SDK1: variants seen among roughly 807,000 people sequenced by gnomAD.
SDK1 encodes the protein sidekick cell adhesion molecule 1.
SDK1 carries 157 observed loss-of-function variants against 245.5 expected under a neutral mutation model. That is an observed-to-expected ratio of 0.64 (90% confidence interval 0.56 to 0.73). The LOEUF (loss-of-function observed/expected upper bound fraction) is 0.73. Among genes scored for constraint, SDK1 ranks in the 30% least tolerant of loss-of-function variants. SDK1 has a pLI of 0.00. For missense variants in SDK1, 3,583 were observed against 3,002.3 expected, an observed-to-expected ratio of 1.19 and a Z score of -4.52; for synonymous variants, 1,647 against 1,278.5, an observed-to-expected ratio of 1.29 and a Z score of -6.15.
At chr7:3,606,695 A>G (rs552525243) in intron 1 of SDK1, among the ~76,000 whole-genome samples, 3 of 152,282 alleles carry the variant, frequency 2.0e-5, no homozygotes, top group South Asian at 4.1e-4. Flanking sequence ...CCCGTTCTCA[A>G]CGAGGCCTTT....
At chr7:3,998,261 G>A (rs1409744004) in intron 14 of SDK1, among the ~76,000 whole-genome samples, 4 of 152,236 alleles carry the variant, frequency 2.6e-5, no homozygotes, top group Non-Finnish European at 5.9e-5. Context: ...GCTCCTTGGA[G>A]CAAGCGGCCC....
chr7:4,124,867 G>A (rs1169765438), intron 25 of SDK1, among the ~76,000 whole-genome samples: 3 of 152,076 alleles, frequency 2.0e-5, no homozygotes, highest in Non-Finnish European at 2.9e-5. Context: ...ATGGATGGAT[G>A]GGTGGATGGT....
At chr7:3,406,695 T>A (rs1262044851) in intron 1 of SDK1, among the ~76,000 whole-genome samples, 2 of 152,134 alleles carry the variant, frequency 1.3e-5, no homozygotes, top group African/African-American at 2.4e-5. Context: ...AGGGGATGTT[T>A]AGGGGAAAAT....
chr7:4,202,165 C>T (rs983300352), intron 35 of SDK1, among the ~76,000 whole-genome samples: 1 of 152,124 alleles, frequency 6.6e-6, no homozygotes, highest in African/African-American at 2.4e-5. Context: ...CGCCTGGCAC[C>T]GTGATTATTG....
At chr7:3,331,414 T>G (rs1408450481) in intron 1 of SDK1, among the ~76,000 whole-genome samples, 1 of 152,230 alleles carries the variant, frequency 6.6e-6, no homozygotes, top group East Asian at 1.9e-4. Context: ...GAGCATCTTT[T>G]CATGTGCGTA....
intron 20 of SDK1, 129 bp downstream of exon 20, chr7:4,068,065 A>T (rs10226642): frequency 0.17 from 111,362 of 661,740 alleles, 12,399 homozygotes; most frequent in African/African-American, 0.46. Context: ...GGAACTGAAA[A>T]GTCTTCCTGG....
chr7:3,327,889 T>A (rs1194876145), intron 1 of SDK1, among the ~76,000 whole-genome samples: 3 of 152,226 alleles, frequency 2.0e-5, no homozygotes, highest in Non-Finnish European at 2.9e-5. Context: ...GCACAGAGGG[T>A]GTGTATACCT....
At position 4,242,874 on chromosome 7, in the gene SDK1, G is replaced by A. The variant is rs544786729; in HGVS notation, c.6251+961G>A. 1.7e-4 allele frequency among the ~76,000 whole-genome samples: 26 copies of A among 152,294 alleles called. 1 individual carries two copies. The highest frequency in any genetic ancestry group is 1.4e-3 in the Admixed American group (22 of 15,308). ...TGAATTTGGGAATCTTAGATCACTC[G>A]GGTGGCGCCGAGGCACGGGTGGGCC... On this transcript the variant is annotated intron_variant, in intron 43 of 44. Coordinates refer to ENST00000404826, the MANE Select transcript of SDK1 (RefSeq NM_152744.4).
chr7:3,307,234 C>G (rs1271190559), intron 1 of SDK1, among the ~76,000 whole-genome samples: 2 of 151,854 alleles, frequency 1.3e-5, no homozygotes, highest in Non-Finnish European at 2.9e-5. Context: ...ATGTACACCT[C>G]TTTTTTTTAA....
At chr7:3,396,255 A>G (rs1397256454) in intron 1 of SDK1, among the ~76,000 whole-genome samples, 2 of 151,888 alleles carry the variant, frequency 1.3e-5, no homozygotes, top group Non-Finnish European at 2.9e-5. Flanking sequence ...GTTGGTAAAT[A>G]TACTTTATAC....
intron 16 of SDK1, among the ~76,000 whole-genome samples, chr7:4,014,702 A>G (rs890211538): frequency 6.6e-6 from 1 of 152,196 alleles, no homozygotes; most frequent in African/African-American, 2.4e-5. Flanking sequence ...CATAGGGGTT[A>G]TGTCCTTTAT....
intron 1 of SDK1, among the ~76,000 whole-genome samples, chr7:3,333,779 A>G (rs1780129578): frequency 6.6e-6 from 1 of 152,192 alleles, no homozygotes; most frequent in African/African-American, 2.4e-5. Context: ...AGCAGAAAGC[A>G]GTTTATTACA....
chr7:3,803,736 T>C (rs1352728060), intron 4 of SDK1, among the ~76,000 whole-genome samples: 1 of 150,878 alleles, frequency 6.6e-6, no homozygotes, highest in Non-Finnish European at 1.5e-5. Flanking sequence ...TTGCAACTGG[T>C]ATTTTCCTCT....
intron 1 of SDK1, among the ~76,000 whole-genome samples, chr7:3,589,664 C>T (rs940430623): frequency 5.3e-5 from 8 of 152,244 alleles, no homozygotes; most frequent in South Asian, 4.2e-4. Flanking sequence ...AGAGCATGTG[C>T]AGAGGAACTG....
At chr7:3,799,669 C>CACTCCAGCCTGGGCGACAGAGTGAG (rs1779057758) in intron 4 of SDK1, among the ~76,000 whole-genome samples, 1 of 141,924 alleles carries the variant, frequency 7.0e-6, no homozygotes, top group Non-Finnish European at 1.5e-5. Flanking sequence ...CGCGCCACTG[C>CACTCCAGCCTGGGCGACAGAGTGAG]ACTCCAGCCT....
chr7:3,758,717 C>A (rs141429324), intron 4 of SDK1, among the ~76,000 whole-genome samples: 2 of 152,138 alleles, frequency 1.3e-5, no homozygotes, highest in East Asian at 1.9e-4. Flanking sequence ...TCTTTAAGAA[C>A]CCTGGTGCCT....
intron 1 of SDK1, among the ~76,000 whole-genome samples, chr7:3,394,173 T>C (rs886320706): frequency 1.3e-5 from 2 of 152,166 alleles, no homozygotes; most frequent in Non-Finnish European, 1.5e-5. Context: ...CCCAAACACA[T>C]GGAGTCAGTC....
At chr7:3,605,129 G>A (rs377655704) in intron 1 of SDK1, among the ~76,000 whole-genome samples, 77 of 106,564 alleles carry the variant, frequency 7.2e-4, no homozygotes, top group African/African-American at 3.2e-3. Flanking sequence ...AGCACTTGAG[G>A]AAAAAAAAAA....
At chr7:4,042,438 C>T (rs7787305) in intron 17 of SDK1, among the ~76,000 whole-genome samples, 4,209 of 136,772 alleles carry the variant, frequency 0.031, 1,387 homozygotes, top group African/African-American at 0.14. Flanking sequence ...TGGCTGTGAG[C>T]ATCAAGACAG....
Sources: gnomAD v4.1 joint callset for allele counts (sites outside exome capture counted in the v4.1 genomes callset) on GRCh38, gnomAD v4.1.1 for gene constraint, MANE v1.5 for transcripts, NCBI Gene and HGNC (gene_info 2026-07-23, HGNC 2026-07-21) for gene names.